WWOX: variants seen among roughly 807,000 people sequenced by gnomAD.
WWOX encodes WW domain containing oxidoreductase.
A neutral mutation model predicts 46.2 loss-of-function variants in WWOX; 69 were observed. That is an observed-to-expected ratio of 1.49 (90% CI 1.23 to 1.82). The LOEUF is 1.82. Among genes scored for constraint, WWOX ranks in the 40% most tolerant of loss-of-function variants. WWOX has a pLI of 0.00. For missense variants in WWOX, 919 were observed against 542.6 expected (o/e 1.69, Z -6.89); for synonymous variants, 359 against 202.6 (o/e 1.77, Z -6.56).
chr16:78,424,560 G>A (rs1256227926), intron 6 of WWOX, among the ~76,000 whole-genome samples: 1 of 152,130 alleles, frequency 6.6e-6, no homozygotes, highest in Non-Finnish European at 1.5e-5. Flanking sequence ...TTCCAACTAG[G>A]GTGACAACTC....
chr16:79,044,405 C>T (rs2048029098), intron 8 of WWOX, among the ~76,000 whole-genome samples: 2 of 152,070 alleles, frequency 1.3e-5, no homozygotes, highest in African/African-American at 2.4e-5. Flanking sequence ...AATGGTTTAC[C>T]ACCATCCTCT....
intron 5 of WWOX, among the ~76,000 whole-genome samples, chr16:78,225,340 C>G (rs561820330): frequency 1.9e-4 from 29 of 152,194 alleles, no homozygotes; most frequent in African/African-American, 6.7e-4. Flanking sequence ...GTACATAGTT[C>G]GTTATTGACT....
chr16:78,835,212 C>T (rs1276107830), intron 8 of WWOX, among the ~76,000 whole-genome samples: 1 of 152,144 alleles, frequency 6.6e-6, no homozygotes, highest in Non-Finnish European at 1.5e-5. Context: ...GGCCTTCTTA[C>T]CACCTAGAAA....
At chr16:78,799,375 A>T (rs1391792600) in intron 8 of WWOX, among the ~76,000 whole-genome samples, 1 of 152,232 alleles carries the variant, frequency 6.6e-6, no homozygotes, top group Non-Finnish European at 1.5e-5. Context: ...TAGCAAACAC[A>T]TGCTCACACG....
At chr16:78,787,542 C>T (rs1200656134) in intron 8 of WWOX, among the ~76,000 whole-genome samples, 2 of 152,034 alleles carry the variant, frequency 1.3e-5, no homozygotes, top group Non-Finnish European at 2.9e-5. Context: ...ATGGATATAC[C>T]ACTTTTTGTT....
At chr16:78,935,133 G>A (rs189393289) in intron 8 of WWOX, among the ~76,000 whole-genome samples, 2 of 152,280 alleles carry the variant, frequency 1.3e-5, no homozygotes, top group African/African-American at 4.8e-5. Context: ...TAGAGAAATA[G>A]GAACACTTTT....
chr16:78,339,104 T>A (rs2080956330), intron 5 of WWOX, among the ~76,000 whole-genome samples: 2 of 120,628 alleles, frequency 1.7e-5, no homozygotes, highest in South Asian at 4.9e-4. Flanking sequence ...GCATCTTTTT[T>A]ATTTCTGCAT....
At chr16:78,752,569 C>G (rs1441648410) in intron 8 of WWOX, among the ~76,000 whole-genome samples, 1 of 152,168 alleles carries the variant, frequency 6.6e-6, no homozygotes, top group African/African-American at 2.4e-5. Context: ...CCATGCCTGG[C>G]CAAGAATATT....
rs1298485640 is a variant in WWOX at position 78,514,514 on chromosome 16, C to A, written c.1056+81762C>A. Among the ~76,000 whole-genome samples the A allele has an allele frequency of 2.0e-5, 3 of 152,178 alleles. No homozygotes were observed. In the East Asian group the frequency reaches 5.8e-4, roughly 29 times the overall value. On this transcript the variant is annotated intron_variant, in intron 8 of 8. Transcript: ENST00000566780. ...GGTGAAGTGGTCCTAATCTGCGGCC[C>A]TGGTACACTTAGATAGGCATCATTG...
chr16:78,541,135 A>G (rs936797373), intron 8 of WWOX, among the ~76,000 whole-genome samples: 1 of 152,164 alleles, frequency 6.6e-6, no homozygotes, highest in Admixed American at 6.5e-5. Context: ...GTGAAAAGCA[A>G]TTTACAAAAT....
At chr16:79,133,044 G>A (rs924462472) in intron 8 of WWOX, among the ~76,000 whole-genome samples, 41 of 152,312 alleles carry the variant, frequency 2.7e-4, no homozygotes, top group African/African-American at 9.9e-4. Flanking sequence ...TTTGCATGAA[G>A]CTTTTGAAAA....
intron 8 of WWOX, among the ~76,000 whole-genome samples, chr16:78,908,993 C>T (rs1249353313): frequency 2.0e-5 from 3 of 152,154 alleles, no homozygotes; most frequent in East Asian, 3.9e-4. Context: ...AGTCTAGTCC[C>T]CAGGCAGGAA....
At chr16:79,024,406 G>A (rs974815752) in intron 8 of WWOX, among the ~76,000 whole-genome samples, 4 of 152,046 alleles carry the variant, frequency 2.6e-5, no homozygotes, top group African/African-American at 2.4e-5. Context: ...CTACAGGTGC[G>A]TGCTACCGTG....
chr16:78,191,518 C>T (rs1256003107), intron 5 of WWOX, among the ~76,000 whole-genome samples: 1 of 152,122 alleles, frequency 6.6e-6, no homozygotes, highest in Non-Finnish European at 1.5e-5. Flanking sequence ...TTTAAAAAAT[C>T]TTGGATACCT....
In WWOX at chr16:78,887,077, G is replaced by GGTGTGTGTGT. The variant is rs749992495; in HGVS notation, c.1057-324482_1057-324473dup. 1.9e-3 allele frequency among the ~76,000 whole-genome samples: 118 copies of GGTGTGTGTGT among 61,344 alleles called. 3 individuals are homozygous for GGTGTGTGTGT. Among genetic ancestry groups the GGTGTGTGTGT allele is most frequent in the African/African-American group, 5.0e-3 (110 of 21,858 alleles). The allele number at this position is 61,344 out of a possible 152,430, so 40.2% of individuals were successfully genotyped here. ...AGTCTGGCTATATGTGTGTGTGTGTGGTGTGTGTGTGTGTGTGTGTGTGTG... is the reference window on the plus strand; with the variant it reads ...AGTCTGGCTATATGTGTGTGTGTGTGGTGTGTGTGTGTGTGTGTGTGTGTGTGTGTGTGTG... On this transcript the variant is annotated intron_variant, in intron 8 of 8. Coordinates refer to ENST00000566780, the MANE Select transcript of WWOX (RefSeq NM_016373.4).
chr16:79,138,381 C>T (rs1392031946), intron 8 of WWOX, among the ~76,000 whole-genome samples: 1 of 152,192 alleles, frequency 6.6e-6, no homozygotes, highest in Non-Finnish European at 1.5e-5. Flanking sequence ...GTACGCTGCC[C>T]AGTGCCTTCC....
At chr16:79,171,362 C>T (rs1364778619) in intron 8 of WWOX, among the ~76,000 whole-genome samples, 1 of 152,064 alleles carries the variant, frequency 6.6e-6, no homozygotes, top group Non-Finnish European at 1.5e-5. Flanking sequence ...TATTTATTTC[C>T]CACACTGAAC....
At chr16:78,867,344 T>G (rs542805826) in intron 8 of WWOX, among the ~76,000 whole-genome samples, 10 of 152,272 alleles carry the variant, frequency 6.6e-5, no homozygotes, top group African/African-American at 2.4e-4. Flanking sequence ...ATCAATATAC[T>G]TTTTGTTCCA....
intron 8 of WWOX, among the ~76,000 whole-genome samples, chr16:78,641,147 T>C (rs556192997): frequency 4.7e-4 from 72 of 152,186 alleles, no homozygotes; most frequent in Non-Finnish European, 9.1e-4. Context: ...AAAAAAATTC[T>C]CTTCCTTGGA....
Sources: allele counts gnomAD v4.1 joint callset (sites outside exome capture counted in the v4.1 genomes callset), GRCh38; gene constraint gnomAD v4.1.1; transcripts MANE v1.5; gene names NCBI Gene and HGNC (gene_info 2026-07-23, HGNC 2026-07-21).